GSTA1: variants seen among roughly 807,000 people sequenced by gnomAD.
The protein encoded by GSTA1 is glutathione S-transferase alpha 1.
A neutral mutation model predicts 21.5 loss-of-function variants in GSTA1; 23 were observed. The observed-to-expected ratio is 1.07, with a 90% CI of 0.77 to 1.52. The LOEUF is 1.52. Among genes scored for constraint, GSTA1 ranks in the 40% most tolerant of loss-of-function variants. The pLI, the probability that GSTA1 is intolerant of heterozygous loss-of-function variation, is 0.00. For missense variants in GSTA1, 301 were observed against 264.2 expected, an observed-to-expected ratio of 1.14 and a Z score of -0.96; for synonymous variants, 125 against 90.0, an observed-to-expected ratio of 1.39 and a Z score of -2.20.
Position 52,796,199 on chromosome 6 carries a change from G to T in GSTA1, c.255C>A (p.Asp85Glu). ...IASKYNLYGK[D>E]IKERALIDMY... ...TACCGTACAGGGCTCTCTCCTTTATGTCTTTCCCATAGAGGTTGTATTTGC... is the reference window on the plus strand; with the variant it reads ...TACCGTACAGGGCTCTCTCCTTTATTTCTTTCCCATAGAGGTTGTATTTGC... The change falls in exon 4 of 7, where the codon GAC becomes GAA. Residue 85 changes from aspartate (D) to glutamate (E), a missense_variant. Physicochemically the swap from Asp to Glu is conservative, Grantham distance 45. Transcript: ENST00000334575. The T allele has an allele frequency of 6.2e-7, 1 of 1,613,626 alleles. No homozygotes were observed. The highest frequency in any genetic ancestry group is 8.5e-7 in the Non-Finnish European group (1 of 1,179,868).
intron 3 of GSTA1, 72 bp downstream of exon 3, chr6:52,797,514 C>A: frequency 8.9e-7 from 1 of 1,126,256 alleles, no homozygotes. Context: ...ATAGACATTG[C>A]CGGCTGCGCA....
At chr6:52,799,589 A>T (rs542182667) in intron 1 of GSTA1, among the ~76,000 whole-genome samples, 114 of 152,332 alleles carry the variant, frequency 7.5e-4, no homozygotes, top group African/African-American at 2.6e-3. Flanking sequence ...TTGGAAGAGG[A>T]AGAATTCAAG....
Position 52,792,954 on chromosome 6 carries a change from C to A in GSTA1, c.448G>T (p.Gly150Cys). 3 of 1,614,056 alleles carry A rather than the reference C, an allele frequency of 1.9e-6. No homozygotes were observed. The highest frequency in any genetic ancestry group is 2.5e-6 in the Non-Finnish European group (3 of 1,179,996). ...ATGTCAGCCCGGCTCAGCTTGTTGC[C>A]AACAAGGTAGTCTTGTCCATGGCTC... ...LKSHGQDYLV[G>C]NKLSRADIHL... Residue 150 changes from glycine to cysteine, a missense_variant, in exon 6 of 7, where the codon GGC becomes TGC. Coordinates refer to ENST00000334575, the MANE Select transcript of GSTA1 (RefSeq NM_145740.5).
chr6:52,797,772 T>C, intron 2 of GSTA1, 135 bp from the exon 3 acceptor site: 1 of 707,414 alleles, frequency 1.4e-6, no homozygotes, highest in Non-Finnish European at 2.4e-6. Flanking sequence ...AGGGGGCTGG[T>C]CATGGCCATT....
At chr6:52,798,182 C>G (rs1581796973) in intron 2 of GSTA1, among the ~76,000 whole-genome samples, 1 of 152,116 alleles carries the variant, frequency 6.6e-6, no homozygotes, top group East Asian at 1.9e-4. Context: ...TTCTGAAGTA[C>G]GAGGCACAAT....
intron 4 of GSTA1, among the ~76,000 whole-genome samples, chr6:52,795,420 G>C (rs768733772): frequency 6.6e-6 from 1 of 151,918 alleles, no homozygotes; most frequent in African/African-American, 2.4e-5. Flanking sequence ...ATTGTTATTC[G>C]CATTATTTAT....
chr6:52,797,702 G>T, intron 2 of GSTA1, 65 bp from the exon 3 acceptor site: 1 of 1,328,108 alleles, frequency 7.5e-7, no homozygotes. Context: ...GGCCTTGAAT[G>T]GCCCCATCTG....
intron 6 of GSTA1, 111 bp downstream of exon 6, chr6:52,792,745 A>G (rs750837956): frequency 9.9e-5 from 160 of 1,609,788 alleles, no homozygotes; most frequent in Non-Finnish European, 1.3e-4. Context: ...ACCTTGGGGC[A>G]CTGAAGGCCT....
At chr6:52,796,110 C>T in intron 4 of GSTA1, 72 bp downstream of exon 4, 4 of 1,606,868 alleles carry the variant, frequency 2.5e-6, no homozygotes, top group Non-Finnish European at 3.4e-6. Flanking sequence ...CTGCCATCGT[C>T]CCACCCACTC....
At chr6:52,798,919 C>A (rs538205108) in intron 2 of GSTA1, among the ~76,000 whole-genome samples, 2 of 152,108 alleles carry the variant, frequency 1.3e-5, no homozygotes, top group Non-Finnish European at 2.9e-5. Flanking sequence ...ATAAATTATT[C>A]TTTACAGTTT....
chr6:52,800,086 C>T (rs941378905), intron 1 of GSTA1, among the ~76,000 whole-genome samples: 5 of 152,170 alleles, frequency 3.3e-5, no homozygotes, highest in African/African-American at 1.2e-4. Context: ...GTTTTATAAG[C>T]TGGAAGAAGA....
At chr6:52,795,184 C>A (rs73740644) in intron 4 of GSTA1, among the ~76,000 whole-genome samples, 1,759 of 152,254 alleles carry the variant, frequency 0.012, 32 homozygotes, top group African/African-American at 0.039. Context: ...ATGGATTTGA[C>A]TATCTGGACA....
intron 1 of GSTA1, among the ~76,000 whole-genome samples, chr6:52,803,563 C>T (rs865947045): frequency 6.6e-6 from 1 of 152,092 alleles, no homozygotes; most frequent in South Asian, 2.1e-4. Flanking sequence ...AATGCTGAAG[C>T]CCTGGTTTTC....
rs182258625 is a variant in GSTA1 at position 52,791,731 on chromosome 6, T to C, written c.*127A>G. ...GCGAATAGGAGTTGTATTATTTAAT[T>C]AGCATATAATTTGAAAGAGTTCATT... is the stretch of plus-strand genomic sequence containing the variant. On this transcript the variant is annotated 3_prime_UTR_variant, in exon 7 of 7. Coordinates refer to ENST00000334575, the MANE Select transcript of GSTA1 (RefSeq NM_145740.5). 14 of 1,061,916 alleles carry C rather than the reference T, an allele frequency of 1.3e-5. No homozygotes were observed. The African/African-American group carries it at 1.4e-4, about 11-fold the overall frequency. The allele number at this position is 1,061,916 out of a possible 1,614,324, so 65.8% of individuals were successfully genotyped here. A position where few individuals can be genotyped will look rare whatever the true frequency, so the allele number is the denominator to read the frequency against.
rs1201817759 is a variant in GSTA1, at chr6:52,799,120, G to A, written c.87+61C>T. 3.1e-5 allele frequency: 46 copies of A among 1,484,234 alleles called. No individual in the cohort carries two copies. In the South Asian group the frequency reaches 4.9e-4, roughly 16 times the overall value. 91.9% of individuals were successfully genotyped at this position (1,484,234 alleles called of 1,614,324 possible). ...TAAGCAACATCTCATAGTTTCTGTG[G>A]GAAAAGTATGTGATAACACAATTTT... On this transcript the variant is annotated intron_variant, in intron 2 of 6. Coordinates refer to ENST00000334575, the MANE Select transcript of GSTA1 (RefSeq NM_145740.5).
chr6:52,801,477 T>G (rs1451285610), intron 1 of GSTA1, among the ~76,000 whole-genome samples: 1 of 152,216 alleles, frequency 6.6e-6, no homozygotes. Context: ...TTAATTGTTA[T>G]CGACTAGAGT....
intron 1 of GSTA1, among the ~76,000 whole-genome samples, chr6:52,800,224 G>A (rs1329658417): frequency 1.3e-5 from 2 of 152,160 alleles, no homozygotes; most frequent in Admixed American, 6.5e-5. Flanking sequence ...GAATGCAGTT[G>A]TTATTCTCAT....
intron 5 of GSTA1, among the ~76,000 whole-genome samples, chr6:52,793,643 TC>T (rs1763510260): frequency 6.6e-6 from 1 of 152,178 alleles, no homozygotes; most frequent in South Asian, 2.1e-4. Flanking sequence ...TAAAAAATCT[TC>T]CTCTGCATCC....
chr6:52,792,287 A>G (rs1444727139), intron 6 of GSTA1, among the ~76,000 whole-genome samples: 1 of 152,214 alleles, frequency 6.6e-6, no homozygotes, highest in African/African-American at 2.4e-5. Context: ...TGCCTGTGAG[A>G]TATCAACACA....
Sources: allele counts gnomAD v4.1 joint callset (sites outside exome capture counted in the v4.1 genomes callset), GRCh38; gene constraint gnomAD v4.1.1; transcripts MANE v1.5; gene names NCBI Gene and HGNC (gene_info 2026-07-23, HGNC 2026-07-21).